The following PRKN variants were observed in gnomAD, a reference collection of about 807,000 sequenced individuals.
PRKN encodes the protein E3 ubiquitin-protein ligase parkin.
PRKN carries 56 observed loss-of-function variants against 59.5 expected under a neutral mutation model. That is an observed-to-expected ratio of 0.94 (90% CI 0.76 to 1.18). The LOEUF is 1.18. Among genes scored for constraint, PRKN ranks in the 50% most tolerant of loss-of-function variants. PRKN has a pLI of 0.00. For missense variants in PRKN, 657 were observed against 596.4 expected (o/e 1.10, Z -1.06); for synonymous variants, 250 against 222.1 (o/e 1.13, Z -1.12).
rs1250504165 is a variant in PRKN at position 161,417,201 on chromosome 6, C to T, written c.1084-30324G>A. Among the ~76,000 whole-genome samples, 2 of 152,252 alleles carry T rather than the reference C, an allele frequency of 1.3e-5. No homozygotes were observed. Among genetic ancestry groups the T allele is most frequent in the East Asian group, 3.9e-4 (2 of 5,174 alleles). The stretch of plus-strand genomic sequence containing the variant: ...GCGCAGTGGCTCACGCCTGTAATCC[C>T]AGCACTTTGGGAGGCCGAGGCTGCC... On this transcript the variant is annotated intron_variant, in intron 9 of 11. Transcript: ENST00000366898. This position sits in a 1 kb window ranked among gnomAD's most constrained non-coding sequence, Gnocchi z 5.4.
chr6:162,141,987 C>T (rs1781803118), intron 4 of PRKN, among the ~76,000 whole-genome samples: 2 of 152,126 alleles, frequency 1.3e-5, no homozygotes, highest in South Asian at 4.1e-4. Context: ...GTAAGCTGTC[C>T]CGTTTACTAT....
At chr6:162,246,729 G>A (rs1034076475) in intron 3 of PRKN, among the ~76,000 whole-genome samples, 6 of 152,112 alleles carry the variant, frequency 3.9e-5, no homozygotes, top group African/African-American at 1.4e-4. Context: ...CAGGAAAAGC[G>A]TACTTAATCC....
intron 1 of PRKN, among the ~76,000 whole-genome samples, chr6:162,670,485 A>T (rs1394187809): frequency 6.6e-6 from 1 of 152,190 alleles, no homozygotes; most frequent in African/African-American, 2.4e-5. Flanking sequence ...CATGGTCACA[A>T]AACAGCCTTG....
At chr6:162,145,039 C>T (rs1781963237) in intron 4 of PRKN, among the ~76,000 whole-genome samples, 1 of 151,752 alleles carries the variant, frequency 6.6e-6, no homozygotes, top group Non-Finnish European at 1.5e-5. Context: ...AGAGAGATCA[C>T]AGATTAAATT....
chr6:161,415,856 C>T (rs1787826903), intron 9 of PRKN, among the ~76,000 whole-genome samples: 1 of 151,958 alleles, frequency 6.6e-6, no homozygotes, highest in African/African-American at 2.4e-5. Flanking sequence ...CCCACAGTGT[C>T]TCCTGGAGCT....
chr6:161,680,752 TATATATATATATATA>T (rs1305074277), intron 7 of PRKN, among the ~76,000 whole-genome samples: 51 of 33,440 alleles, frequency 1.5e-3, no homozygotes, highest in African/African-American at 5.5e-3. Context: ...TATATATATA[TATATATATATATATA>T]TATATATATT....
chr6:161,536,079 C>T (rs1403582425), intron 9 of PRKN, among the ~76,000 whole-genome samples: 1 of 151,598 alleles, frequency 6.6e-6, no homozygotes, highest in East Asian at 1.9e-4. Context: ...TTTTTTTCCC[C>T]AATATCTGCC....
chr6:162,623,202 A>G (rs1294025059), intron 1 of PRKN, among the ~76,000 whole-genome samples: 1 of 152,222 alleles, frequency 6.6e-6, no homozygotes, highest in Non-Finnish European at 1.5e-5. Flanking sequence ...TTTATTTTTG[A>G]GAGAATACAT....
At chr6:162,235,965 G>GAAAAAGAAAGAAAGAAAGAAAGAAAAGA (rs751590630) in intron 3 of PRKN, among the ~76,000 whole-genome samples, 1 of 93,608 alleles carries the variant, frequency 1.1e-5, no homozygotes, top group Non-Finnish European at 2.0e-5. Flanking sequence ...AAGGAAGAAA[G>GAAAAAGAAAGAAAGAAAGAAAGAAAAGA]AAAGAAAGAA....
At chr6:161,616,205 C>A (rs952212237) in intron 7 of PRKN, among the ~76,000 whole-genome samples, 1 of 152,182 alleles carries the variant, frequency 6.6e-6, no homozygotes, top group African/African-American at 2.4e-5. Flanking sequence ...ATTTGGTAGC[C>A]TTTGCAGCTC....
chr6:161,702,857 T>C (rs1413277556), intron 7 of PRKN, among the ~76,000 whole-genome samples: 2 of 152,034 alleles, frequency 1.3e-5, no homozygotes, highest in Non-Finnish European at 2.9e-5. Flanking sequence ...GCATGAGCCA[T>C]AGAAATAATT....
At chr6:162,376,307 T>C (rs1786077039) in intron 2 of PRKN, among the ~76,000 whole-genome samples, 1 of 152,140 alleles carries the variant, frequency 6.6e-6, no homozygotes, top group Non-Finnish European at 1.5e-5. Context: ...TTGAAAAAGA[T>C]ACTCAGAAGA....
Position 162,130,913 on chromosome 6 carries a change from G to A in PRKN, c.534+70218C>T, listed in dbSNP as rs184914801. Among the ~76,000 whole-genome samples, 188 of 152,206 alleles carry A rather than the reference G, an allele frequency of 1.2e-3. 2 individuals are homozygous for A. The highest frequency in any genetic ancestry group is 4.2e-3 in the African/African-American group (174 of 41,520). ...AAAAATGGATCCTCACCAAATAGAT[G>A]ATATAATGACAAGGACAACAATGCT... On this transcript the variant is annotated intron_variant, in intron 4 of 11. Transcript: ENST00000366898.
intron 9 of PRKN, among the ~76,000 whole-genome samples, chr6:161,539,371 G>T (rs1477747344): frequency 6.9e-6 from 1 of 144,114 alleles, no homozygotes; most frequent in Non-Finnish European, 1.6e-5. Flanking sequence ...TGCTCCTGAC[G>T]CATTCCAGGT....
intron 4 of PRKN, among the ~76,000 whole-genome samples, chr6:162,198,215 T>G (rs1490492369): frequency 1.3e-5 from 2 of 151,982 alleles, no homozygotes; most frequent in Non-Finnish European, 2.9e-5. Flanking sequence ...CTGAGAAAAA[T>G]CCCAGGTGGT....
intron 1 of PRKN, among the ~76,000 whole-genome samples, chr6:162,596,897 C>G (rs1781514567): frequency 6.6e-6 from 1 of 152,066 alleles, no homozygotes; most frequent in Admixed American, 6.6e-5. Context: ...GAATCCGATC[C>G]CCGCCACCTC....
chr6:162,347,017 T>C lies in PRKN; in HGVS notation c.172-84252A>G, dbSNP rs573056671. ...ACTTTTTTATTCCTAATATTATTTGTGTCTTTAGTATTTTTTTCTTGATCA... is the reference window on the plus strand; with the variant it reads ...ACTTTTTTATTCCTAATATTATTTGCGTCTTTAGTATTTTTTTCTTGATCA... On this transcript the variant is annotated intron_variant, in intron 2 of 11. Coordinates refer to ENST00000366898, the MANE Select transcript of PRKN (RefSeq NM_004562.3). Among the ~76,000 whole-genome samples the C allele has an allele frequency of 2.0e-5, 3 of 151,970 alleles. No homozygotes were observed. In the East Asian group the frequency reaches 5.8e-4, roughly 29 times the overall value.
At position 162,555,884 on chromosome 6, in the gene PRKN, G is replaced by C. The variant is rs568080455; in HGVS notation, c.8-112411C>G. Among the ~76,000 whole-genome samples, 14 of 151,760 alleles carry C rather than the reference G, an allele frequency of 9.2e-5. No homozygotes were observed. The South Asian group carries it at 2.7e-3, about 29-fold the overall frequency. On this transcript the variant is annotated intron_variant, in intron 1 of 11. Transcript: ENST00000366898. ...TGTATGCCTGTAATCCCAGTTACTT[G>C]GGAAGGCGAGGCAGGAGAATCGCTT...
intron 2 of PRKN, among the ~76,000 whole-genome samples, chr6:162,381,379 G>A (rs375197598): frequency 1.7e-4 from 26 of 152,016 alleles, no homozygotes; most frequent in Non-Finnish European, 2.8e-4. Context: ...CACTCAATTC[G>A]ATTTTTGAGA....
Sources: allele counts gnomAD v4.1 joint callset (sites outside exome capture counted in the v4.1 genomes callset), GRCh38; gene constraint gnomAD v4.1.1; non-coding constraint Gnocchi (gnomAD v3.1); transcripts MANE v1.5; gene names NCBI Gene and HGNC (gene_info 2026-07-23, HGNC 2026-07-21).